Variants in LSG1 observed in about 807,000 individuals in gnomAD.
LSG1 encodes large 60S subunit nuclear export GTPase 1, also known as large subunit GTPase 1 homolog.
A neutral mutation model predicts 82.6 loss-of-function variants in LSG1; 55 were observed. That is an observed-to-expected ratio of 0.67 (90% confidence interval 0.54 to 0.83). The LOEUF is 0.83. Among genes scored for constraint, LSG1 ranks in the 40% least tolerant of loss-of-function variants. The probability of loss-of-function intolerance (pLI) is 0.00; values close to 1 mark genes in which losing one functional copy is unlikely to be tolerated. For synonymous variants in LSG1, 272 were observed against 282.5 expected (o/e 0.96, Z 0.37); for missense variants, 809 against 807.9 (o/e 1.00, Z -0.02).
intron 5 of LSG1, among the ~76,000 whole-genome samples, chr3:194,662,742 A>G (rs1311269196): frequency 6.6e-6 from 1 of 152,214 alleles, no homozygotes; most frequent in Non-Finnish European, 1.5e-5. Context: ...AGCCTGGGTA[A>G]CAAGAGCGAA....
chr3:194,649,501 T>C (rs1275825973), intron 10 of LSG1, among the ~76,000 whole-genome samples: 2 of 146,630 alleles, frequency 1.4e-5, no homozygotes, highest in Non-Finnish European at 3.0e-5. Context: ...CTGGCCAACA[T>C]GGTGAAACCC....
At position 194,652,930 on chromosome 3, in the gene LSG1, T is replaced by G. The variant is rs1241990874; in HGVS notation, c.972A>C (p.Glu324Asp). The change falls in exon 8 of 14, where the codon GAA becomes GAC. Residue 324 changes from glutamate to aspartate, a missense_variant. Physicochemically the swap from Glu to Asp is conservative, Grantham distance 45. Coordinates refer to ENST00000265245, the MANE Select transcript of LSG1 (RefSeq NM_018385.3). The part of the protein sequence containing the change: ...EEDDWQTCSE[E>D]DGPKEEDCSQ... ...TGCAGTCCTCTTCCTTGGGACCGTCTTCTTCTGAGCACGTCTGCCAGTCGT... is the reference window on the plus strand; with the variant it reads ...TGCAGTCCTCTTCCTTGGGACCGTCGTCTTCTGAGCACGTCTGCCAGTCGT... 1 of 1,614,188 alleles carries G rather than the reference T, an allele frequency of 6.2e-7. No homozygotes were observed. The highest frequency in any genetic ancestry group is 1.1e-5 in the South Asian group (1 of 91,080).
At position 194,670,140 on chromosome 3, in the gene LSG1, G is replaced by GA. The variant is rs36028600; in HGVS notation, c.100-6dup. The GA allele has an allele frequency of 0.68, 1,100,088 of 1,612,022 alleles. 378,669 individuals are homozygous for GA. The highest frequency in any genetic ancestry group is 0.86 in the East Asian group (38,460 of 44,820). On this transcript the variant is annotated splice_polypyrimidine_tract_variant and splice_region_variant and intron_variant, in intron 1 of 13. Coordinates refer to ENST00000265245, the MANE Select transcript of LSG1 (RefSeq NM_018385.3). ...ATTGAGTTCACTTGTGTGCAACTAT[G>GA]AAAAAACACAGGGTGATAAATACAG...
intron 5 of LSG1, among the ~76,000 whole-genome samples, chr3:194,661,749 C>A (rs1438903890): frequency 1.3e-5 from 2 of 152,172 alleles, no homozygotes; most frequent in Non-Finnish European, 2.9e-5. Context: ...ATAAATATTT[C>A]TGTGTAATTC....
chr3:194,646,047 C>T, intron 12 of LSG1, 117 bp downstream of exon 12: 5 of 986,260 alleles, frequency 5.1e-6, no homozygotes, highest in Non-Finnish European at 7.8e-6. Flanking sequence ...AAGAACACAA[C>T]TCCAGTTTCA....
chr3:194,650,657 G>C lies in LSG1; in HGVS notation c.1419+224C>G, dbSNP rs1718654871. The C allele has an allele frequency of 7.0e-6, 3 of 426,630 alleles. No individual in the cohort carries two copies. In the South Asian group the frequency reaches 1.1e-4, roughly 16 times the overall value. The allele number at this position is 426,630 out of a possible 1,614,324, so 26.4% of individuals were successfully genotyped here. A position where few individuals can be genotyped will look rare whatever the true frequency, so the allele number is the denominator to read the frequency against. The stretch of plus-strand genomic sequence containing the variant: ...TTAAATAGGTTTGCAACTTGGAACT[G>C]AGTATCTGAAACCTGGATTCTCCCA... On this transcript the variant is annotated intron_variant, in intron 10 of 13. Transcript: ENST00000265245.
At chr3:194,648,409 G>A (rs937378873) in intron 11 of LSG1, among the ~76,000 whole-genome samples, 26 of 151,880 alleles carry the variant, frequency 1.7e-4, no homozygotes, top group African/African-American at 5.8e-4. Context: ...TTTGGGAGAC[G>A]ACTCCAGAAA....
chr3:194,647,735 G>A (rs985057281), intron 11 of LSG1, among the ~76,000 whole-genome samples: 3 of 152,178 alleles, frequency 2.0e-5, no homozygotes, highest in African/African-American at 7.2e-5. Flanking sequence ...ATCCTGCAGG[G>A]AGATCTCACC....
chr3:194,649,364 A>G (rs903497681), intron 10 of LSG1, among the ~76,000 whole-genome samples: 3 of 152,136 alleles, frequency 2.0e-5, no homozygotes, highest in Non-Finnish European at 4.4e-5. Flanking sequence ...GCAATAAATG[A>G]TTCATGTCTC....
chr3:194,669,300 T>C (rs1191379178), intron 2 of LSG1, among the ~76,000 whole-genome samples: 1 of 152,222 alleles, frequency 6.6e-6, no homozygotes, highest in Non-Finnish European at 1.5e-5. Context: ...CGTCACACTA[T>C]ATACTATAAC....
Position 194,648,759 on chromosome 3 carries a change from T to A in LSG1, c.1465A>T (p.Ile489Phe). ...TCCTCTCTAGGCGTTATGATGTTAA[T>A]GCCATAGGTAGCTTCTAAAACATGT... ...PRHVLEATYG[I>F]NIITPREDED... Residue 489 changes from isoleucine (I) to phenylalanine (F), a missense_variant, in exon 11 of 14, where the codon ATT (isoleucine) becomes TTT (phenylalanine). Transcript: ENST00000265245. The A allele has an allele frequency of 6.2e-7, 1 of 1,614,000 alleles. No individual in the cohort carries two copies. Among genetic ancestry groups the A allele is most frequent in the Non-Finnish European group, 8.5e-7 (1 of 1,179,854 alleles).
intron 10 of LSG1, among the ~76,000 whole-genome samples, chr3:194,649,789 A>C (rs1718634674): frequency 6.6e-6 from 1 of 152,174 alleles, no homozygotes; most frequent in Non-Finnish European, 1.5e-5. Flanking sequence ...CTCTACTTAC[A>C]AGCCAGCGGA....
Position 194,659,051 on chromosome 3 carries a change from C to T in LSG1, c.665G>A (p.Arg222Gln), listed in dbSNP as rs147988904. The T allele has an allele frequency of 3.0e-4, 487 of 1,614,144 alleles. 1 individual carries two copies. In the Middle Eastern group the frequency reaches 8.4e-3, roughly 28 times the overall value. ...TTCGAAGTACATGGCCCAGGCACTC[C>T]GCTGCTCAGCAGTCAGCAAGTCTGC... ...NKADLLTAEQ[R>Q]SAWAMYFEKE... The change falls in exon 7 of 14, where the codon CGG becomes CAG. Residue 222 changes from arginine to glutamine, a missense_variant. Arg to Gln is a conservative substitution (Grantham distance 43, BLOSUM62 1). Coordinates refer to ENST00000265245, the MANE Select transcript of LSG1 (RefSeq NM_018385.3).
At chr3:194,657,458 G>GTTTTTTT (rs58115258) in intron 7 of LSG1, among the ~76,000 whole-genome samples, 202 of 139,148 alleles carry the variant, frequency 1.5e-3, no homozygotes, top group African/African-American at 5.2e-3. Context: ...TGCTTAGTAA[G>GTTTTTTT]TTTTTTTTTT....
intron 5 of LSG1, among the ~76,000 whole-genome samples, chr3:194,661,551 G>A (rs529105140): frequency 5.3e-5 from 8 of 152,290 alleles, no homozygotes; most frequent in Middle Eastern, 3.4e-3. Context: ...ACAGTGTTCC[G>A]CCCTCAGTGC....
At chr3:194,665,688 G>A in intron 4 of LSG1, 45 bp from the exon 5 acceptor site, 1 of 1,205,876 alleles carries the variant, frequency 8.3e-7, no homozygotes, top group South Asian at 1.3e-5. Context: ...GATTATAATA[G>A]ACAATTTTTA....
rs1375961713 is a variant in LSG1, at chr3:194,659,046, C to A, written c.670G>T (p.Ala224Ser). Reference protein sequence around the residue: ...ADLLTAEQRSAWAMYFEKEDV... With the variant: ...ADLLTAEQRSSWAMYFEKEDV... ...TCTTTTTCGAAGTACATGGCCCAGG[C>A]ACTCCGCTGCTCAGCAGTCAGCAAG... The change falls in exon 7 of 14, where the codon GCC becomes TCC. Residue 224 changes from alanine to serine, a missense_variant. Physicochemically the swap from Ala to Ser is moderately conservative, Grantham distance 99. Transcript: ENST00000265245. 1 of 1,614,170 alleles carries A rather than the reference C, an allele frequency of 6.2e-7. No homozygotes were observed. The highest frequency in any genetic ancestry group is 1.3e-5 in the African/African-American group (1 of 75,042).
intron 13 of LSG1, 119 bp from the exon 14 acceptor site, chr3:194,642,366 C>A: frequency 1.4e-6 from 1 of 714,192 alleles, no homozygotes; most frequent in Non-Finnish European, 2.2e-6. Context: ...GGTGAACTTC[C>A]GCCCCCCTCC....
At chr3:194,671,967 G>A in intron 1 of LSG1, 97 bp downstream of exon 1, 4 of 1,099,894 alleles carry the variant, frequency 3.6e-6, no homozygotes, top group African/African-American at 1.5e-5. Flanking sequence ...CCCGGCTGAG[G>A]CGTCCCTCCT....
Sources: gnomAD v4.1 joint callset for allele counts (sites outside exome capture counted in the v4.1 genomes callset) on GRCh38, gnomAD v4.1.1 for gene constraint, MANE v1.5 for transcripts, NCBI Gene and HGNC (gene_info 2026-07-23, HGNC 2026-07-21) for gene names.